Variants in PARP1 observed in about 807,000 individuals in gnomAD.
PARP1 encodes poly(ADP-ribose) polymerase 1, also known as poly [ADP-ribose] polymerase 1.
Under a neutral mutation model 118.7 loss-of-function variants are expected in PARP1, and 44 were observed. The observed-to-expected ratio is 0.37, with a 90% CI of 0.29 to 0.48. The LOEUF is 0.48. PARP1 is among the 20% of genes least tolerant of loss of function. The pLI, the probability that PARP1 is intolerant of heterozygous loss-of-function variation, is 0.99. For synonymous variants in PARP1, 492 were observed against 483.2 expected, an observed-to-expected ratio of 1.02 and a Z score of -0.24; for missense variants, 1,100 against 1,272.4, an observed-to-expected ratio of 0.86 and a Z score of 2.06.
intron 2 of PARP1, among the ~76,000 whole-genome samples, chr1:226,401,647 C>A (rs1268169890): frequency 6.6e-6 from 1 of 152,220 alleles, no homozygotes; most frequent in East Asian, 1.9e-4. Flanking sequence ...CACCTCCTAC[C>A]TCATTCCCCT....
chr1:226,367,061 G>A, intron 17 of PARP1: 2 of 272,470 alleles, frequency 7.3e-6, no homozygotes, highest in South Asian at 8.5e-5. Context: ...TATTACAGGT[G>A]CCATCAAGCA....
In PARP1 at chr1:226,386,451, A is replaced by G. The variant is rs1664719950; in HGVS notation, c.718-9T>C. On this transcript the variant is annotated splice_polypyrimidine_tract_variant and intron_variant, in intron 5 of 22. Coordinates refer to ENST00000366794, the MANE Select transcript of PARP1 (RefSeq NM_001618.4). The stretch of plus-strand genomic sequence containing the variant: ...ATCAGGTCGTTCTGAGCCTATGGAC[A>G]AGACCCAGTGGCTGAGAGGCTAGCT... 3 of 1,553,982 alleles carry G rather than the reference A, an allele frequency of 1.9e-6. No homozygotes were observed. Among genetic ancestry groups the G allele is most frequent in the Non-Finnish European group, 2.7e-6 (3 of 1,125,156 alleles).
chr1:226,369,530 C>T (rs1664336441), intron 15 of PARP1, among the ~76,000 whole-genome samples: 1 of 152,248 alleles, frequency 6.6e-6, no homozygotes, highest in African/African-American at 2.4e-5. Flanking sequence ...AACCACAACA[C>T]AGGTGACCCT....
intron 8 of PARP1, 119 bp downstream of exon 8, chr1:226,382,917 G>T: frequency 8.8e-7 from 1 of 1,136,980 alleles, no homozygotes; most frequent in Non-Finnish European, 1.3e-6. Flanking sequence ...TCCCCATGGT[G>T]GGGTCAGCAA....
chr1:226,392,737 A>AT (rs1664843693), intron 2 of PARP1: 2 of 568,218 alleles, frequency 3.5e-6, no homozygotes, highest in Non-Finnish European at 6.1e-6. Context: ...ATATTTTGAT[A>AT]TAAGTCAGAC....
At chr1:226,403,382 G>T (rs946577059) in intron 1 of PARP1, among the ~76,000 whole-genome samples, 7 of 152,220 alleles carry the variant, frequency 4.6e-5, no homozygotes, top group Non-Finnish European at 1.0e-4. Context: ...GCTTCACCAT[G>T]TTGGCCAGGC....
chr1:226,402,345 T>C lies in PARP1; in HGVS notation c.155A>G (p.Tyr52Cys). Residue 52 changes from tyrosine (Y) to cysteine (C), a missense_variant, in exon 2 of 23, where the codon TAC (tyrosine) becomes TGC (cysteine). Tyr to Cys is a radical substitution (Grantham distance 194). Around this residue, in one of 2 missense-constraint regions of PARP1, gnomAD observed 948 missense variants for 1,031.8 expected, o/e 0.92. Coordinates refer to ENST00000366794, the MANE Select transcript of PARP1 (RefSeq NM_001618.4). ...PMFDGKVPHW[Y>C]HFSCFWKVGH... ...CACCTTCCAGAAGCAGGAGAAGTGG[T>C]ACCAGTGTGGGACTTTTCCATCAAA... The C allele has an allele frequency of 1.2e-6, 2 of 1,613,788 alleles. No individual in the cohort carries two copies. The highest frequency in any genetic ancestry group is 1.7e-6 in the Non-Finnish European group (2 of 1,180,034).
At chr1:226,398,304 CA>C (rs747643954) in intron 2 of PARP1, among the ~76,000 whole-genome samples, 12 of 152,050 alleles carry the variant, frequency 7.9e-5, no homozygotes, top group Non-Finnish European at 1.5e-4. Context: ...AGAAAACAAA[CA>C]ATGTGATTTT....
At position 226,376,590 on chromosome 1, in the gene PARP1, G is replaced by A. The variant is rs3219093; in HGVS notation, c.1941+518C>T. Among the ~76,000 whole-genome samples the A allele has an allele frequency of 8.5e-5, 13 of 152,354 alleles. No homozygotes were observed. In the East Asian group the frequency reaches 2.5e-3, roughly 29 times the overall value. ...GACTGTTCCTCCTCGATATCTCAAA[G>A]ATGCTACCACAATTCTCATTTAAGC... On this transcript the variant is annotated intron_variant, in intron 13 of 22. Coordinates refer to ENST00000366794, the MANE Select transcript of PARP1 (RefSeq NM_001618.4).
chr1:226,401,604 G>A (rs964736773), intron 2 of PARP1, among the ~76,000 whole-genome samples: 1 of 152,178 alleles, frequency 6.6e-6, no homozygotes, highest in African/African-American at 2.4e-5. Context: ...CCCTGCTTTA[G>A]TTAGTCCTCG....
chr1:226,386,826 TCCA>T (rs1283309704), intron 5 of PARP1, among the ~76,000 whole-genome samples: 1 of 152,186 alleles, frequency 6.6e-6, no homozygotes, highest in East Asian at 1.9e-4. Context: ...ATGGCCATTC[TCCA>T]CCAATCTTAG....
chr1:226,396,345 C>T (rs1399386694), intron 2 of PARP1, among the ~76,000 whole-genome samples: 2 of 135,586 alleles, frequency 1.5e-5, no homozygotes, highest in African/African-American at 5.6e-5. Context: ...GACCCTGTCT[C>T]AAAAAAATTT....
intron 6 of PARP1, 86 bp downstream of exon 6, chr1:226,386,240 G>A: frequency 2.4e-6 from 2 of 823,252 alleles, no homozygotes; most frequent in Non-Finnish European, 4.3e-6. Flanking sequence ...CACACGGAGG[G>A]CCTCCCACAC....
At chr1:226,403,545 C>T (rs1383929386) in intron 1 of PARP1, among the ~76,000 whole-genome samples, 1 of 152,200 alleles carries the variant, frequency 6.6e-6, no homozygotes, top group Non-Finnish European at 1.5e-5. Flanking sequence ...TAGTGTGTGT[C>T]CCTGCTCCTT....
chr1:226,407,940 C>T lies in PARP1; in HGVS notation c.-11G>A, dbSNP rs1329451741. The T allele has an allele frequency of 1.2e-6, 2 of 1,612,292 alleles. No homozygotes were observed. The highest frequency in any genetic ancestry group is 1.7e-6 in the Non-Finnish European group (2 of 1,179,098). On this transcript the variant is annotated 5_prime_UTR_variant, in exon 1 of 23. Coordinates refer to ENST00000366794, the MANE Select transcript of PARP1 (RefSeq NM_001618.4). ...CGAAGACTCCGCCATCCTCCCCTAG[C>T]TGCCGCCAAAGCTCCGGAAGCCCGA...
chr1:226,368,182 C>T lies in PARP1; in HGVS notation c.2277+17G>A. On this transcript the variant is annotated intron_variant, in intron 16 of 22. Transcript: ENST00000366794. ...CAGCCCAGCAGACCTGCAGTCCCTT[C>T]TGAACCCTTGCGCTACCTGCACACT... 1 of 1,614,134 alleles carries T rather than the reference C, an allele frequency of 6.2e-7. No homozygotes were observed. The highest frequency in any genetic ancestry group is 8.5e-7 in the Non-Finnish European group (1 of 1,180,012).
At chr1:226,399,365 C>A (rs1247752324) in intron 2 of PARP1, among the ~76,000 whole-genome samples, 1 of 152,060 alleles carries the variant, frequency 6.6e-6, no homozygotes, top group Non-Finnish European at 1.5e-5. Context: ...CCACCGTGCC[C>A]GGCTCGACAT....
At chr1:226,407,669 G>T in intron 1 of PARP1, 141 bp downstream of exon 1, 1 of 770,300 alleles carries the variant, frequency 1.3e-6, no homozygotes, top group Non-Finnish European at 1.8e-6. Context: ...AGGAGGGGCG[G>T]CCGCGGCCCC....
At chr1:226,382,585 A>C (rs191982607) in intron 8 of PARP1, among the ~76,000 whole-genome samples, 26 of 152,316 alleles carry the variant, frequency 1.7e-4, no homozygotes, top group African/African-American at 6.3e-4. Flanking sequence ...GGTGTGCATT[A>C]GCGTGATCAT....
Sources: allele counts gnomAD v4.1 joint callset (sites outside exome capture counted in the v4.1 genomes callset), GRCh38; gene constraint gnomAD v4.1.1; regional missense constraint gnomAD v4.1.1; transcripts MANE v1.5; gene names NCBI Gene and HGNC (gene_info 2026-07-23, HGNC 2026-07-21).